Variants in PABPC4L observed in about 807,000 individuals in gnomAD.
PABPC4L encodes the protein polyadenylate-binding protein 4-like.
For missense variants in PABPC4L, 452 were observed against 451.4 expected (o/e 1.00, Z -0.01); for synonymous variants, 169 against 164.1 (o/e 1.03, Z -0.23).
chr4:133,954,196 G>A, the PABPC4L span, among the ~76,000 whole-genome samples: 1 of 152,148 alleles, frequency 6.6e-6, no homozygotes, highest in Admixed American at 6.5e-5. Context: ...TTTGCCCCCT[G>A]ATCTTCCTGT....
the PABPC4L span, among the ~76,000 whole-genome samples, chr4:134,119,672 A>C: frequency 1.3e-5 from 2 of 151,552 alleles, no homozygotes; most frequent in African/African-American, 4.8e-5. Context: ...GTGTCACCCA[A>C]ATCAATGTTC....
In PABPC4L at chr4:134,200,468, G is replaced by T; in HGVS notation, c.552C>A (p.Ser184Arg). ...AAACATTGGTGAATTCACTGGCTTT[G>T]CTTCTGAGTTCAGCTTCACGATCTT... is the stretch of plus-strand genomic sequence containing the variant. Reference protein sequence around the residue: ...NRKDREAELRSKASEFTNVYI... With the variant: ...NRKDREAELRRKASEFTNVYI... The change falls in exon 2 of 2, where the codon AGC becomes AGA. Residue 184 changes from serine to arginine, a missense_variant. Coordinates refer to ENST00000421491, the MANE Select transcript of PABPC4L (RefSeq NM_001114734.2). 1 of 1,551,618 alleles carries T rather than the reference G, an allele frequency of 6.4e-7. No homozygotes were observed. The highest frequency in any genetic ancestry group is 8.7e-7 in the Non-Finnish European group (1 of 1,146,988).
chr4:133,957,417 C>T, the PABPC4L span, among the ~76,000 whole-genome samples: 1 of 152,294 alleles, frequency 6.6e-6, no homozygotes, highest in East Asian at 1.9e-4. Flanking sequence ...CAGCAGTCTA[C>T]CCCTGTGGCT....
At chr4:134,035,048 A>G in the PABPC4L span, among the ~76,000 whole-genome samples, 1 of 152,100 alleles carries the variant, frequency 6.6e-6, no homozygotes, top group South Asian at 2.1e-4. Flanking sequence ...CAGTCACTCA[A>G]TCTTCTGCAA....
the PABPC4L span, among the ~76,000 whole-genome samples, chr4:133,961,984 C>G: frequency 6.6e-6 from 1 of 152,164 alleles, no homozygotes; most frequent in Non-Finnish European, 1.5e-5. Context: ...GAACAAGGGG[C>G]TTGCCGCCAT....
downstream of PABPC4L, among the ~76,000 whole-genome samples, chr4:134,194,765 A>C (rs1729610965): frequency 6.6e-6 from 1 of 151,796 alleles, no homozygotes; most frequent in South Asian, 2.1e-4. Flanking sequence ...GTTTTAAAAG[A>C]GTTGAAACAA....
At chr4:134,169,567 A>G in the PABPC4L span, among the ~76,000 whole-genome samples, 2 of 152,140 alleles carry the variant, frequency 1.3e-5, no homozygotes, top group Non-Finnish European at 2.9e-5. Flanking sequence ...AAAAAGACTT[A>G]GAACTAATAA....
chr4:134,178,025 C>T, the PABPC4L span, among the ~76,000 whole-genome samples: 4 of 152,008 alleles, frequency 2.6e-5, no homozygotes, highest in Non-Finnish European at 4.4e-5. Flanking sequence ...CCACCCATCC[C>T]TATTTCTGGT....
At chr4:134,063,819 TAA>T in the PABPC4L span, among the ~76,000 whole-genome samples, 1 of 152,048 alleles carries the variant, frequency 6.6e-6, no homozygotes, top group Non-Finnish European at 1.5e-5. Flanking sequence ...TACTAATAAA[TAA>T]GTTATTTATT....
the PABPC4L span, among the ~76,000 whole-genome samples, chr4:133,999,826 A>G: frequency 5.3e-5 from 8 of 152,190 alleles, no homozygotes; most frequent in East Asian, 3.9e-4. Flanking sequence ...ATATTTTCCA[A>G]TGCAAATCTG....
chr4:134,028,539 T>A, the PABPC4L span, among the ~76,000 whole-genome samples: 2 of 152,146 alleles, frequency 1.3e-5, no homozygotes, highest in East Asian at 3.9e-4. Flanking sequence ...CTTGACTAGG[T>A]CAACTTCACT....
the PABPC4L span, among the ~76,000 whole-genome samples, chr4:133,981,391 G>A: frequency 2.1e-4 from 32 of 151,708 alleles, no homozygotes; most frequent in Admixed American, 5.3e-4. Context: ...GAAAAATGTC[G>A]GATTTCTGTC....
At chr4:134,128,841 G>A in the PABPC4L span, among the ~76,000 whole-genome samples, 7 of 152,082 alleles carry the variant, frequency 4.6e-5, no homozygotes, top group Non-Finnish European at 8.8e-5. Flanking sequence ...ATTGTTGAAC[G>A]TAAATGGCCT....
chr4:134,201,512 G>A (rs1188547141), intron 1 of PABPC4L, among the ~76,000 whole-genome samples: 1 of 152,130 alleles, frequency 6.6e-6, no homozygotes, highest in Non-Finnish European at 1.5e-5. Flanking sequence ...AACCTGCCAG[G>A]TACCGGGTTC....
chr4:133,956,574 A>T, the PABPC4L span, among the ~76,000 whole-genome samples: 2 of 152,204 alleles, frequency 1.3e-5, no homozygotes, highest in Non-Finnish European at 2.9e-5. Flanking sequence ...GAAGCGGGTC[A>T]TAAAACCCTC....
chr4:134,016,070 C>A, the PABPC4L span, among the ~76,000 whole-genome samples: 1 of 152,118 alleles, frequency 6.6e-6, no homozygotes, highest in African/African-American at 2.4e-5. Flanking sequence ...ACATTTCCAT[C>A]TTTCATCTTC....
At chr4:134,032,120 G>A in the PABPC4L span, among the ~76,000 whole-genome samples, 1 of 151,592 alleles carries the variant, frequency 6.6e-6, no homozygotes. Context: ...AAAGGAAAAA[G>A]GGAAGGAAAG....
the PABPC4L span, among the ~76,000 whole-genome samples, chr4:134,164,262 CAAAAAAAAAAAAAAAAAAAAA>C: frequency 1.2e-4 from 4 of 34,150 alleles, no homozygotes; most frequent in Admixed American, 4.9e-4. Flanking sequence ...GACTCCGTCT[CAAAAAAAAAAAAAAAAAAAAA>C]AAAAAAAAAT....
chr4:134,199,896 G>A lies in PABPC4L; in HGVS notation c.*11C>T, dbSNP rs958511896. On this transcript the variant is annotated 3_prime_UTR_variant, in exon 2 of 2. Transcript: ENST00000421491. ...CTGCAGATACTAGCTGGAAAGGTAC[G>A]TTTTTCTTTCCTAGTGTCTCTGGGC... 1.5e-5 allele frequency: 23 copies of A among 1,549,772 alleles called. No individual in the cohort carries two copies. The African/African-American group carries it at 2.2e-4, about 15-fold the overall frequency.
Sources: allele counts gnomAD v4.1 joint callset (sites outside exome capture counted in the v4.1 genomes callset), GRCh38; gene constraint gnomAD v4.1.1; transcripts MANE v1.5; gene names NCBI Gene and HGNC (gene_info 2026-07-23, HGNC 2026-07-21).